BCOR: variants seen among roughly 807,000 people sequenced by gnomAD.
BCOR encodes the protein BCL-6 corepressor.
BCOR carries 10 observed loss-of-function variants against 86.7 expected under a neutral mutation model. The ratio of observed to expected loss-of-function variants is 0.12; its 90% CI spans 0.07 to 0.20. The LOEUF (loss-of-function observed/expected upper bound fraction) is 0.20, where lower values mean the gene tolerates loss of function less well. Among genes scored for constraint, BCOR ranks in the 10% least tolerant of loss-of-function variants. The probability of loss-of-function intolerance (pLI) is 1.00; values close to 1 mark genes in which losing one functional copy is unlikely to be tolerated. For synonymous variants in BCOR, 611 were observed against 609.0 expected (o/e 1.00, Z -0.05); for missense variants, 1,259 against 1,452.1 (o/e 0.87, Z 2.16).
At chrX:40,093,689 G>A (rs1033161482) in intron 1 of BCOR, among the ~76,000 whole-genome samples, 1 of 111,670 alleles carries the variant, frequency 9.0e-6, no homozygotes, top group Non-Finnish European at 1.9e-5. Flanking sequence ...CTCAAAGACC[G>A]CTTTGCTCTC....
intron 1 of BCOR, among the ~76,000 whole-genome samples, chrX:40,138,834 C>T (rs1487548650): frequency 9.0e-6 from 1 of 111,259 alleles, no homozygotes; most frequent in African/African-American, 3.3e-5. Context: ...GGATTACAGG[C>T]GTGAGACACC....
At chrX:40,126,844 GAA>G (rs1234751283) in intron 1 of BCOR, among the ~76,000 whole-genome samples, 1 of 55,257 alleles carries the variant, frequency 1.8e-5, no homozygotes, top group African/African-American at 6.6e-5. Context: ...CAAAGAAAAA[GAA>G]AAAAAAAAAA....
chrX:40,113,211 T>TTATA (rs1937339923), intron 1 of BCOR, among the ~76,000 whole-genome samples: 1 of 102,217 alleles, frequency 9.8e-6, no homozygotes, highest in East Asian at 2.9e-4. Flanking sequence ...ATTTATTTAT[T>TTATA]TATTTTGAGA....
upstream of BCOR, among the ~76,000 whole-genome samples, chrX:40,101,894 A>G (rs1937081030): frequency 8.9e-6 from 1 of 112,495 alleles, no homozygotes; most frequent in Admixed American, 9.4e-5. Flanking sequence ...GTATTTTTAC[A>G]TAATGTGAGG....
Position 40,138,172 on chromosome X carries a change from G to C in BCOR, c.-41+38835C>G, listed in dbSNP as rs776744823. Among the ~76,000 whole-genome samples, 7 of 111,697 alleles carry C rather than the reference G, an allele frequency of 6.3e-5. No individual in the cohort carries two copies. The South Asian group carries it at 2.6e-3, about 42-fold the overall frequency. ...TCTCCATGTTGGTCAGGCTGGTCTC[G>C]AACTCCCGACCTCAGGTGATCCACC... is the stretch of plus-strand genomic sequence containing the variant. On this transcript the variant is annotated intron_variant, in intron 1 of 14. Coordinates refer to the BCOR transcript ENST00000342274.
chrX:40,077,914 G>T lies in BCOR; in HGVS notation c.16C>A (p.Pro6Thr), dbSNP rs763933195. Residue 6 changes from proline (P) to threonine (T), a missense_variant, in exon 2 of 15, where the codon CCC (proline) becomes ACC (threonine). By Grantham distance (38) the Pro-to-Thr change is conservative (BLOSUM62 -1). This residue lies in a region of BCOR where 174 missense variants were observed against 189.3 expected (regional missense o/e 0.92). Coordinates refer to ENST00000378444, the MANE Select transcript of BCOR (RefSeq NM_001123385.2). MLSAT[P>T]LYGNVHSWMN... ...CAGCTGTGAACGTTCCCATACAGGGGGGTTGCTGAGAGCATGTCGTCTTCT... is the reference window on the plus strand; with the variant it reads ...CAGCTGTGAACGTTCCCATACAGGGTGGTTGCTGAGAGCATGTCGTCTTCT... 1 of 1,210,917 alleles carries T rather than the reference G, an allele frequency of 8.3e-7. No individual in the cohort carries two copies. The highest frequency in any genetic ancestry group is 3.0e-5 in the East Asian group (1 of 33,864).
At chrX:40,064,744 G>T in intron 6 of BCOR, 145 bp from the exon 7 acceptor site, 1 of 643,603 alleles carries the variant, frequency 1.6e-6, no homozygotes, top group South Asian at 2.8e-5. Flanking sequence ...CTCACACATG[G>T]TTAGCACAAA....
intron 1 of BCOR, among the ~76,000 whole-genome samples, chrX:40,114,810 C>CA (rs1205600514): frequency 1.8e-5 from 2 of 110,016 alleles, no homozygotes; most frequent in African/African-American, 6.6e-5. Context: ...ATCTCACTCA[C>CA]ACCCCAAAAT....
intron 1 of BCOR, among the ~76,000 whole-genome samples, chrX:40,106,132 G>A (rs367912746): frequency 2.9e-4 from 32 of 111,745 alleles, no homozygotes; most frequent in African/African-American, 1.0e-3. Context: ...CGTCTCCTCC[G>A]TGTCCGGAGG....
chrX:40,061,552 C>A (rs909096309), intron 10 of BCOR, among the ~76,000 whole-genome samples: 2 of 110,775 alleles, frequency 1.8e-5, no homozygotes, highest in Non-Finnish European at 3.8e-5. Context: ...GGAGGATGAG[C>A]AGGGGGGCTG....
At chrX:40,080,975 GCACACA>G (rs1188244446) in intron 1 of BCOR, among the ~76,000 whole-genome samples, 1 of 34,505 alleles carries the variant, frequency 2.9e-5, no homozygotes, top group Non-Finnish European at 5.4e-5. Context: ...ACGCACACGC[GCACACA>G]CACACGCGCA....
chrX:40,111,975 C>T (rs908243096), intron 1 of BCOR, among the ~76,000 whole-genome samples: 5 of 110,832 alleles, frequency 4.5e-5, no homozygotes, highest in Non-Finnish European at 7.6e-5. Context: ...CCCCTCCATC[C>T]TCCCTGGCCA....
chrX:40,090,382 T>C (rs1247747567), intron 1 of BCOR, among the ~76,000 whole-genome samples: 2 of 113,191 alleles, frequency 1.8e-5, no homozygotes, highest in Admixed American at 9.2e-5. Context: ...GTTCTTTCTC[T>C]TTTTTAAACT....
intron 10 of BCOR, among the ~76,000 whole-genome samples, chrX:40,059,773 C>A (rs1934777962): frequency 1.8e-5 from 2 of 112,937 alleles, no homozygotes; most frequent in South Asian, 7.2e-4. Flanking sequence ...AGGCCATAAA[C>A]CCGACATTGT....
At chrX:40,068,003 G>A (rs1215646038) in intron 6 of BCOR, 1 of 112,020 alleles carries the variant, frequency 8.9e-6, no homozygotes, top group Non-Finnish European at 1.9e-5. Flanking sequence ...GCCCTTCTGT[G>A]AGTGGAATGC....
Position 40,051,798 on chromosome X carries a change from C to A in BCOR, c.*311G>T. The A allele has an allele frequency of 9.0e-6, 2 of 222,192 alleles. No homozygotes were observed. The highest frequency in any genetic ancestry group is 1.3e-4 in the East Asian group (2 of 15,215). The allele number at this position is 222,192 out of a possible 1,213,427, so 18.3% of individuals were successfully genotyped here. A position where few individuals can be genotyped will look rare whatever the true frequency, so the allele number is the denominator to read the frequency against. ...TGAAATTAAGTCAAAGTGTGGAGCT[C>A]CTTTTACTCATTTTTTTTTCTCCTT... On this transcript the variant is annotated 3_prime_UTR_variant, in exon 15 of 15. Transcript: ENST00000378444.
intron 1 of BCOR, among the ~76,000 whole-genome samples, chrX:40,092,372 C>T (rs1452617425): frequency 9.0e-6 from 1 of 111,615 alleles, no homozygotes; most frequent in African/African-American, 3.3e-5. Context: ...CAAGCCATAC[C>T]CTAGCCGGAG....
intron 1 of BCOR, among the ~76,000 whole-genome samples, chrX:40,174,587 G>T (rs1332814376): frequency 3.5e-5 from 4 of 112,855 alleles, no homozygotes; most frequent in Non-Finnish European, 7.5e-5. Flanking sequence ...CCAAAACGCA[G>T]AACCATCTAC....
rs1012996531 is a variant in BCOR, at chrX:40,120,932, C to T, written c.-40-42963G>A. Among the ~76,000 whole-genome samples, 10 of 111,193 alleles carry T rather than the reference C, an allele frequency of 9.0e-5. No individual in the cohort carries two copies. In the Admixed American group the frequency reaches 9.7e-4, roughly 11 times the overall value. On this transcript the variant is annotated intron_variant, in intron 1 of 14. Coordinates refer to the BCOR transcript ENST00000342274. ...GTCTCTTGGGAAAGTGAGATGTGAG[C>T]AAAGACTCAACGGAGCCGGGGGAGC...
Sources: gnomAD v4.1 joint callset for allele counts (sites outside exome capture counted in the v4.1 genomes callset) on GRCh38, gnomAD v4.1.1 for gene constraint, gnomAD v4.1.1 regional missense constraint, MANE v1.5 for transcripts, NCBI Gene and HGNC (gene_info 2026-07-23, HGNC 2026-07-21) for gene names.